The following KLHL29 variants were observed in gnomAD, a reference collection of about 807,000 sequenced individuals.
The protein encoded by KLHL29 is kelch like family member 29.
Under a neutral mutation model 80.4 loss-of-function variants are expected in KLHL29, and 21 were observed. That is an observed-to-expected ratio of 0.26 (90% CI 0.19 to 0.38). The LOEUF (loss-of-function observed/expected upper bound fraction) is 0.38, where lower values mean the gene tolerates loss of function less well. Among genes scored for constraint, KLHL29 ranks in the 10% least tolerant of loss-of-function variants. KLHL29 has a pLI of 1.00. For synonymous variants in KLHL29, 511 were observed against 526.8 expected, an observed-to-expected ratio of 0.97 and a Z score of 0.41; for missense variants, 867 against 1,223.9, an observed-to-expected ratio of 0.71 and a Z score of 4.35.
At chr2:23,450,325 G>T (rs1315609783) in intron 1 of KLHL29, among the ~76,000 whole-genome samples, 6 of 152,128 alleles carry the variant, frequency 3.9e-5, no homozygotes, top group Admixed American at 2.6e-4. Flanking sequence ...CATGTGAAGG[G>T]TCAGGGTTGT....
intron 1 of KLHL29, among the ~76,000 whole-genome samples, chr2:23,413,262 G>T (rs1413229332): frequency 1.3e-5 from 2 of 152,150 alleles, no homozygotes; most frequent in Non-Finnish European, 2.9e-5. Context: ...GAGTCGTGCT[G>T]GCACTGAGTT....
At chr2:23,628,384 G>C (rs573809461) in intron 3 of KLHL29, among the ~76,000 whole-genome samples, 3 of 152,136 alleles carry the variant, frequency 2.0e-5, no homozygotes, top group Non-Finnish European at 2.9e-5. Flanking sequence ...AAGGCCATAG[G>C]GGGCAGAGGG....
At chr2:23,429,197 T>C (rs1033215955) in intron 1 of KLHL29, among the ~76,000 whole-genome samples, 1 of 152,244 alleles carries the variant, frequency 6.6e-6, no homozygotes, top group Non-Finnish European at 1.5e-5. Context: ...GGCCCTGCTC[T>C]GTCACTGATG....
At chr2:23,572,991 A>G (rs981031413) in intron 3 of KLHL29, among the ~76,000 whole-genome samples, 2 of 152,228 alleles carry the variant, frequency 1.3e-5, no homozygotes, top group Admixed American at 6.5e-5. Context: ...CCCGGCCCAA[A>G]AACAGTAATT....
chr2:23,386,738 C>G (rs1002022263), intron 1 of KLHL29, among the ~76,000 whole-genome samples: 1 of 152,092 alleles, frequency 6.6e-6, no homozygotes, highest in African/African-American at 2.4e-5. Context: ...GCGTCGGCCC[C>G]GGGCCCCAAG....
At chr2:23,425,815 C>T (rs545433144) in intron 1 of KLHL29, among the ~76,000 whole-genome samples, 1 of 152,206 alleles carries the variant, frequency 6.6e-6, no homozygotes, top group Non-Finnish European at 1.5e-5. Flanking sequence ...TTCCTTGTAC[C>T]ATTTGTGAGC....
At chr2:23,691,907 G>A in intron 7 of KLHL29, 31 bp downstream of exon 7, 4 of 1,540,196 alleles carry the variant, frequency 2.6e-6, no homozygotes, top group South Asian at 1.2e-5. Context: ...TGTCGCTTGG[G>A]GGGAAGAGTG....
At chr2:23,620,503 C>A (rs1407173497) in intron 3 of KLHL29, among the ~76,000 whole-genome samples, 1 of 151,994 alleles carries the variant, frequency 6.6e-6, no homozygotes, top group Non-Finnish European at 1.5e-5. Flanking sequence ...CGTGGGGGGA[C>A]AGTTAAAGCC....
intron 1 of KLHL29, among the ~76,000 whole-genome samples, chr2:23,418,231 C>T (rs1375445455): frequency 6.6e-6 from 1 of 152,196 alleles, no homozygotes; most frequent in African/African-American, 2.4e-5. Context: ...CCCCATCCTA[C>T]CTGGACCCCG....
chr2:23,651,208 T>C (rs1183119376), intron 5 of KLHL29, among the ~76,000 whole-genome samples: 5 of 152,202 alleles, frequency 3.3e-5, no homozygotes, highest in Non-Finnish European at 7.3e-5. Context: ...AGAATATATG[T>C]TTATATTTTT....
chr2:23,597,403 ATATATTTTTTTTTTTT>A (rs1668451706), intron 3 of KLHL29, among the ~76,000 whole-genome samples: 8 of 39,768 alleles, frequency 2.0e-4, no homozygotes, highest in African/African-American at 4.5e-4. Flanking sequence ...ATATATATAT[ATATATTTTTTTTTTTT>A]TTTTTTTTTT....
At chr2:23,611,588 T>A (rs1324917604) in intron 3 of KLHL29, among the ~76,000 whole-genome samples, 1 of 152,136 alleles carries the variant, frequency 6.6e-6, no homozygotes, top group East Asian at 1.9e-4. Context: ...TAAAACAATG[T>A]GCAAAGGTAG....
At chr2:23,604,853 C>G (rs1033246915) in intron 3 of KLHL29, among the ~76,000 whole-genome samples, 1 of 152,224 alleles carries the variant, frequency 6.6e-6, no homozygotes, top group African/African-American at 2.4e-5. Context: ...CATCCTGACC[C>G]ATGCTTCCTG....
chr2:23,411,833 A>C lies in KLHL29; in HGVS notation c.-154+26053A>C, dbSNP rs112515926. On this transcript the variant is annotated intron_variant, in intron 1 of 13. Coordinates refer to ENST00000486442, the MANE Select transcript of KLHL29 (RefSeq NM_052920.2). ...GATAAGTTTCTAATCTGAGTCACTTAGGGTTCTTTGCATGGGCCCAGTCTA... is the reference window on the plus strand; with the variant it reads ...GATAAGTTTCTAATCTGAGTCACTTCGGGTTCTTTGCATGGGCCCAGTCTA... Among the ~76,000 whole-genome samples, 743 of 152,162 alleles carry C rather than the reference A, an allele frequency of 4.9e-3. 3 individuals are homozygous for C. Among genetic ancestry groups the C allele is most frequent in the Admixed American group, 9.1e-3 (139 of 15,286 alleles).
chr2:23,443,116 T>C (rs1305459245), intron 1 of KLHL29, among the ~76,000 whole-genome samples: 1 of 152,196 alleles, frequency 6.6e-6, no homozygotes, highest in Non-Finnish European at 1.5e-5. Context: ...TAAAGAATAG[T>C]ACAGGGCATT....
At chr2:23,574,288 T>C (rs1034590777) in intron 3 of KLHL29, among the ~76,000 whole-genome samples, 1 of 152,190 alleles carries the variant, frequency 6.6e-6, no homozygotes, top group African/African-American at 2.4e-5. Flanking sequence ...CTAGGAGTGA[T>C]GAAAAGCACC....
intron 3 of KLHL29, among the ~76,000 whole-genome samples, chr2:23,590,513 T>C (rs989609440): frequency 6.6e-6 from 1 of 152,176 alleles, no homozygotes; most frequent in Non-Finnish European, 1.5e-5. Context: ...TGGGAGCCTT[T>C]GAAGCAAGGA....
At chr2:23,439,599 G>A (rs943186115) in intron 1 of KLHL29, among the ~76,000 whole-genome samples, 1 of 152,174 alleles carries the variant, frequency 6.6e-6, no homozygotes, top group Admixed American at 6.5e-5. Flanking sequence ...AGCTTGTTCA[G>A]TTTCCATGTA....
intron 1 of KLHL29, among the ~76,000 whole-genome samples, chr2:23,386,008 GA>G (rs1301778935): frequency 1.3e-4 from 19 of 151,928 alleles, no homozygotes; most frequent in African/African-American, 2.4e-4. Context: ...AAAAGGGGGG[GA>G]AAAAACTTCC....
Sources: allele counts gnomAD v4.1 joint callset (sites outside exome capture counted in the v4.1 genomes callset), GRCh38; gene constraint gnomAD v4.1.1; transcripts MANE v1.5; gene names NCBI Gene and HGNC (gene_info 2026-07-23, HGNC 2026-07-21).